The following SGCD variants were observed in gnomAD, a reference collection of about 807,000 sequenced individuals.
SGCD encodes sarcoglycan delta.
Under a neutral mutation model 36.6 loss-of-function variants are expected in SGCD, and 18 were observed. The observed-to-expected ratio is 0.49, with a 90% CI of 0.34 to 0.73. The LOEUF (loss-of-function observed/expected upper bound fraction) is 0.73. Among genes scored for constraint, SGCD ranks in the 30% least tolerant of loss-of-function variants. The probability of loss-of-function intolerance (pLI) is 0.01; values close to 1 mark genes in which losing one functional copy is unlikely to be tolerated. For synonymous variants in SGCD, 133 were observed against 130.6 expected (o/e 1.02, Z -0.12); for missense variants, 387 against 346.7 (o/e 1.12, Z -0.92).
intron 3 of SGCD, among the ~76,000 whole-genome samples, chr5:156,276,010 G>C (rs1766310471): frequency 6.6e-6 from 1 of 152,142 alleles, no homozygotes; most frequent in Admixed American, 6.6e-5. Context: ...ATTCTTGAAG[G>C]TGGTGACACT....
rs145864644 is a variant in SGCD at position 156,579,457 on chromosome 5, T to C, written c.295-9774T>C. On this transcript the variant is annotated intron_variant, in intron 4 of 8. Coordinates refer to ENST00000337851, the MANE Select transcript of SGCD (RefSeq NM_000337.6). ...TTGGTGCAGAGCTGAGTTCAAGTCC[T>C]GGATATCATTGTTAACCTTCTGTCT... Among the ~76,000 whole-genome samples, 1,138 of 152,078 alleles carry C rather than the reference T, an allele frequency of 7.5e-3. 8 individuals carry two copies. The highest frequency in any genetic ancestry group is 0.013 in the Non-Finnish European group (857 of 67,954).
the SGCD span, among the ~76,000 whole-genome samples, chr5:155,762,349 T>G: frequency 6.6e-6 from 1 of 152,308 alleles, no homozygotes; most frequent in East Asian, 1.9e-4. Flanking sequence ...TAGTCAAAAC[T>G]TCTATGATTT....
At chr5:156,698,872 C>CACACAG (rs1392633205) in intron 7 of SGCD, among the ~76,000 whole-genome samples, 13 of 150,980 alleles carry the variant, frequency 8.6e-5, no homozygotes, top group African/African-American at 2.9e-4. Flanking sequence ...CACACACACA[C>CACACAG]ACACACACAG....
chr5:156,387,867 A>G (rs1352079016), intron 3 of SGCD, among the ~76,000 whole-genome samples: 1 of 152,216 alleles, frequency 6.6e-6, no homozygotes, highest in Non-Finnish European at 1.5e-5. Flanking sequence ...CCACGTTCGT[A>G]TTATAGCCTA....
chr5:156,312,004 G>T (rs1413628142), intron 3 of SGCD, among the ~76,000 whole-genome samples: 4 of 152,126 alleles, frequency 2.6e-5, no homozygotes, highest in Non-Finnish European at 5.9e-5. Context: ...GCCATAGCTA[G>T]CTAAGGGCAT....
At chr5:155,990,928 T>A (rs909250539) in intron 1 of SGCD, among the ~76,000 whole-genome samples, 1 of 152,196 alleles carries the variant, frequency 6.6e-6, no homozygotes, top group Non-Finnish European at 1.5e-5. Flanking sequence ...TGTTACACTT[T>A]TTTCTCTGAG....
rs1378088806 is a variant in SGCD, at chr5:156,765,639, CA to C, written c.*6251del. On this transcript the variant is annotated 3_prime_UTR_variant, in exon 9 of 9. Coordinates refer to ENST00000337851, the MANE Select transcript of SGCD (RefSeq NM_000337.6). Reference sequence around the variant, plus strand: ...ACATTCTCCTATTTCATCCTCAAAACAATCCTTTGAGTTGGGTTTTAATATA... The same window carrying C: ...ACATTCTCCTATTTCATCCTCAAAACATCCTTTGAGTTGGGTTTTAATATA... 1 of 152,162 alleles carries C rather than the reference CA, an allele frequency of 6.6e-6. No individual in the cohort carries two copies. The highest frequency in any genetic ancestry group is 2.4e-5 in the African/African-American group (1 of 41,444). The allele number at this position is 152,162 out of a possible 1,614,324, so 9.4% of individuals were successfully genotyped here. A position where few individuals can be genotyped will look rare whatever the true frequency, so the allele number is the denominator to read the frequency against.
At chr5:156,627,023 A>T (rs561666951) in intron 6 of SGCD, among the ~76,000 whole-genome samples, 2 of 152,174 alleles carry the variant, frequency 1.3e-5, no homozygotes, top group African/African-American at 4.8e-5. Flanking sequence ...AGTTAGTGAC[A>T]TTTCCTTCTC....
At chr5:156,576,219 C>A (rs1056560413) in intron 4 of SGCD, among the ~76,000 whole-genome samples, 9 of 152,092 alleles carry the variant, frequency 5.9e-5, no homozygotes, top group Non-Finnish European at 1.2e-4. Flanking sequence ...ATGATGGTTT[C>A]CAGCTGCATC....
chr5:156,185,427 G>GATAGA (rs1561555271), intron 3 of SGCD, among the ~76,000 whole-genome samples: 1 of 151,870 alleles, frequency 6.6e-6, no homozygotes, highest in East Asian at 2.0e-4. Flanking sequence ...CGTTAGCCAG[G>GATAGA]ATGGTCTCGA....
the SGCD span, among the ~76,000 whole-genome samples, chr5:155,844,130 A>C: frequency 1.2e-4 from 18 of 151,782 alleles, no homozygotes; most frequent in African/African-American, 4.1e-4. Flanking sequence ...AAAAACAATC[A>C]GCTTGTGAAG....
At chr5:156,513,421 C>G (rs1757027249) in intron 4 of SGCD, among the ~76,000 whole-genome samples, 1 of 152,190 alleles carries the variant, frequency 6.6e-6, no homozygotes, top group Admixed American at 6.5e-5. Context: ...TGACTGTTGT[C>G]TGTAGACTAC....
chr5:155,920,639 T>G (rs1488030769), intron 1 of SGCD, among the ~76,000 whole-genome samples: 1 of 152,036 alleles, frequency 6.6e-6, no homozygotes, highest in Non-Finnish European at 1.5e-5. Context: ...CACATCAGAG[T>G]CCGAAATTTG....
chr5:156,542,598 G>A (rs1290080729), intron 4 of SGCD, among the ~76,000 whole-genome samples: 1 of 152,176 alleles, frequency 6.6e-6, no homozygotes, highest in Non-Finnish European at 1.5e-5. Context: ...TAGTAACTCA[G>A]TGAAGTAGGT....
At chr5:156,179,687 T>C (rs1763557801) in intron 3 of SGCD, among the ~76,000 whole-genome samples, 2 of 151,296 alleles carry the variant, frequency 1.3e-5, no homozygotes, top group Non-Finnish European at 2.9e-5. Context: ...ACTGGCGTGA[T>C]CTCGGCTCAC....
the SGCD span, among the ~76,000 whole-genome samples, chr5:155,741,533 A>G: frequency 5.3e-5 from 8 of 151,982 alleles, no homozygotes; most frequent in Non-Finnish European, 1.0e-4. Context: ...GAAAGAATCT[A>G]TTTGGTTACT....
intron 3 of SGCD, among the ~76,000 whole-genome samples, chr5:156,177,415 G>GA (rs1215782664): frequency 1.3e-5 from 2 of 152,166 alleles, no homozygotes; most frequent in African/African-American, 4.8e-5. Flanking sequence ...TTGATGGTCT[G>GA]AAAAGTGGCT....
At chr5:155,944,765 G>T (rs1757404429) in intron 1 of SGCD, among the ~76,000 whole-genome samples, 1 of 152,144 alleles carries the variant, frequency 6.6e-6, no homozygotes, top group Non-Finnish European at 1.5e-5. Flanking sequence ...TGATTGCACT[G>T]AATTTGTTTC....
rs569742136 is a variant in SGCD at position 156,061,771 on chromosome 5, G to C, written c.-281-56107G>C. Among the ~76,000 whole-genome samples, 14 of 145,440 alleles carry C rather than the reference G, an allele frequency of 9.6e-5. 1 individual carries two copies. Among genetic ancestry groups the C allele is most frequent in the Non-Finnish European group, 1.2e-4 (8 of 64,596 alleles). On this transcript the variant is annotated intron_variant, in intron 1 of 9. Coordinates refer to the SGCD transcript ENST00000517913. Reference sequence around the variant, plus strand: ...CCCAAAGGCAACAAATATCTAATGGGTTGTCTGGACAGTTTCATAGATGAA... The same window carrying C: ...CCCAAAGGCAACAAATATCTAATGGCTTGTCTGGACAGTTTCATAGATGAA...
Sources: gnomAD v4.1 joint callset for allele counts (sites outside exome capture counted in the v4.1 genomes callset) on GRCh38, gnomAD v4.1.1 for gene constraint, MANE v1.5 for transcripts, NCBI Gene and HGNC (gene_info 2026-07-23, HGNC 2026-07-21) for gene names.